Variants in SVEP1 observed in about 807,000 individuals in gnomAD.
SVEP1 encodes sushi, von Willebrand factor type A, EGF and pentraxin domain containing 1.
A neutral mutation model predicts 367.3 loss-of-function variants in SVEP1; 164 were observed. That is an observed-to-expected ratio of 0.45 (90% CI 0.39 to 0.51). The LOEUF (loss-of-function observed/expected upper bound fraction) is 0.51. Ranked by LOEUF, SVEP1 falls within the 20% of genes least tolerant of loss-of-function variation. The pLI, the probability that SVEP1 is intolerant of heterozygous loss-of-function variation, is 0.00. For missense variants in SVEP1, 4,117 were observed against 4,425.3 expected (o/e 0.93, Z 1.98); for synonymous variants, 1,666 against 1,611.6 (o/e 1.03, Z -0.81).
chr9:110,502,125 CAG>C, intron 6 of SVEP1, among the ~76,000 whole-genome samples: 1 of 125,466 alleles, frequency 8.0e-6, no homozygotes, highest in South Asian at 2.5e-4. Context: ...TTTTTTTGGA[CAG>C]AGTTTTGCAC....
chr9:110,537,398 G>A (rs1403227772), intron 3 of SVEP1, among the ~76,000 whole-genome samples: 2 of 151,954 alleles, frequency 1.3e-5, no homozygotes, highest in African/African-American at 4.8e-5. Context: ...GTATCAAAAT[G>A]TATAACATGC....
At chr9:110,368,769 A>ATATT (rs1345073612) in intron 47 of SVEP1, among the ~76,000 whole-genome samples, 3 of 152,054 alleles carry the variant, frequency 2.0e-5, no homozygotes, top group Admixed American at 1.3e-4. Context: ...GCTTCTAAAT[A>ATATT]TATTTGTCCA....
chr9:110,449,083 A>C (rs1447191472), intron 24 of SVEP1, among the ~76,000 whole-genome samples: 2 of 152,232 alleles, frequency 1.3e-5, no homozygotes, highest in Non-Finnish European at 2.9e-5. Flanking sequence ...AGCAAGAGAA[A>C]TCTATCTTGT....
intron 3 of SVEP1, among the ~76,000 whole-genome samples, chr9:110,522,349 G>A (rs890367038): frequency 5.3e-5 from 8 of 152,100 alleles, no homozygotes; most frequent in African/African-American, 1.9e-4. Flanking sequence ...CATGATTGTT[G>A]ATCACTTAGA....
intron 22 of SVEP1, among the ~76,000 whole-genome samples, chr9:110,453,176 CAT>C (rs1323819155): frequency 2.6e-5 from 4 of 152,014 alleles, no homozygotes; most frequent in Non-Finnish European, 4.4e-5. Context: ...TATACCCACA[CAT>C]ATTAAAATAT....
intron 30 of SVEP1, among the ~76,000 whole-genome samples, 185 bp downstream of exon 30, chr9:110,434,151 G>A (rs1227429654): frequency 2.0e-5 from 3 of 152,044 alleles, no homozygotes; most frequent in African/African-American, 7.2e-5. Context: ...TGGTCCCTCT[G>A]GATCCTAATC....
chr9:110,529,099 C>G (rs1334514271), intron 3 of SVEP1, among the ~76,000 whole-genome samples: 4 of 152,006 alleles, frequency 2.6e-5, no homozygotes, highest in Non-Finnish European at 5.9e-5. Context: ...ATGTGGCTAT[C>G]CAATTTTCCC....
intron 1 of SVEP1, among the ~76,000 whole-genome samples, chr9:110,562,831 AG>A (rs1830448309): frequency 6.6e-6 from 1 of 152,138 alleles, no homozygotes. Context: ...TTGGGATTAC[AG>A]GTGCCTGCCA....
rs563853062 is a variant in SVEP1 at position 110,488,408 on chromosome 9, A to AG, written c.1930+1241dup. Reference sequence around the variant, plus strand: ...TAGAGAAGACCAGGGCTGAAACCCTAGAGAAGATCAGCATTTGAGAATTAG... The same window carrying AG: ...TAGAGAAGACCAGGGCTGAAACCCTAGGAGAAGATCAGCATTTGAGAATTAG... On this transcript the variant is annotated intron_variant, in intron 9 of 47. Coordinates refer to ENST00000374469, the MANE Select transcript of SVEP1 (RefSeq NM_153366.4). Among the ~76,000 whole-genome samples the AG allele has an allele frequency of 2.1e-4, 32 of 152,258 alleles. No individual in the cohort carries two copies. In the South Asian group the frequency reaches 6.4e-3, roughly 31 times the overall value.
At chr9:110,459,509 T>C (rs1828826414) in intron 18 of SVEP1, among the ~76,000 whole-genome samples, 1 of 152,194 alleles carries the variant, frequency 6.6e-6, no homozygotes, top group African/African-American at 2.4e-5. Flanking sequence ...TTTTCATTTG[T>C]TTGCTATTAT....
intron 1 of SVEP1, among the ~76,000 whole-genome samples, chr9:110,559,518 ACT>A (rs772054492): frequency 5.5e-4 from 83 of 152,196 alleles, no homozygotes; most frequent in Admixed American, 1.6e-3. Context: ...AAATAGTAAC[ACT>A]GTTTTTTTTT....
intron 7 of SVEP1, 58 bp from the exon 8 acceptor site, chr9:110,496,991 T>C: frequency 1.8e-6 from 2 of 1,136,436 alleles, no homozygotes; most frequent in Non-Finnish European, 2.5e-6. Context: ...CTAGATCATT[T>C]AAGGAAGAGG....
At chr9:110,374,931 T>C (rs1180341487) in intron 46 of SVEP1, among the ~76,000 whole-genome samples, 1 of 151,254 alleles carries the variant, frequency 6.6e-6, no homozygotes, top group East Asian at 1.9e-4. Context: ...TCAACCTAAA[T>C]GCTCATCAAT....
chr9:110,435,304 G>A lies in SVEP1; in HGVS notation c.4825C>T (p.Pro1609Ser). The change falls in exon 29 of 48, where the codon CCT becomes TCT. Residue 1609 changes from proline to serine, a missense_variant. This residue lies in a region of SVEP1 where 2,174 missense variants were observed against 2,494.3 expected (regional missense o/e 0.87). Transcript: ENST00000374469. ...CCCACAATTCCTGACAAGAAATCAG[G>A]CCATGCTAACACGTTTCCTTTACTG... is the stretch of plus-strand genomic sequence containing the variant. ...ELSKGNVLAWPDFLSGIVGKV... is the reference protein window; with the variant it reads ...ELSKGNVLAWSDFLSGIVGKV... The A allele has an allele frequency of 1.2e-6, 2 of 1,613,628 alleles. No individual in the cohort carries two copies. The highest frequency in any genetic ancestry group is 1.7e-6 in the Non-Finnish European group (2 of 1,179,612).
intron 40 of SVEP1, among the ~76,000 whole-genome samples, chr9:110,397,970 T>G (rs993861769): frequency 3.4e-5 from 5 of 148,426 alleles, no homozygotes; most frequent in Admixed American, 6.8e-5. Flanking sequence ...AATGACTTTC[T>G]TCACAGAATT....
intron 5 of SVEP1, among the ~76,000 whole-genome samples, chr9:110,505,135 T>C (rs1829604585): frequency 6.6e-6 from 1 of 152,116 alleles, no homozygotes; most frequent in Non-Finnish European, 1.5e-5. Flanking sequence ...TCTGCCACCT[T>C]TGAGTCTCTG....
intron 5 of SVEP1, among the ~76,000 whole-genome samples, chr9:110,509,422 G>A (rs1269486589): frequency 6.6e-6 from 1 of 152,210 alleles, no homozygotes; most frequent in Non-Finnish European, 1.5e-5. Flanking sequence ...TGTAGCTTTG[G>A]TGGTGAAGTT....
At chr9:110,499,016 T>A (rs754119345) in intron 7 of SVEP1, 25 bp downstream of exon 7, 4 of 1,593,134 alleles carry the variant, frequency 2.5e-6, no homozygotes, top group Non-Finnish European at 3.4e-6. Flanking sequence ...ATTTGATTTT[T>A]AGCCTGACTA....
At chr9:110,534,404 A>G (rs896606134) in intron 3 of SVEP1, among the ~76,000 whole-genome samples, 6 of 152,172 alleles carry the variant, frequency 3.9e-5, no homozygotes, top group African/African-American at 1.4e-4. Flanking sequence ...TACATGCACC[A>G]CATTTTCTTT....
Sources: allele counts gnomAD v4.1 joint callset (sites outside exome capture counted in the v4.1 genomes callset), GRCh38; gene constraint gnomAD v4.1.1; regional missense constraint gnomAD v4.1.1; transcripts MANE v1.5; gene names NCBI Gene and HGNC (gene_info 2026-07-23, HGNC 2026-07-21).